The following HSPBP1 variants were observed in gnomAD, a reference collection of about 807,000 sequenced individuals.
HSPBP1 encodes HSPA (Hsp70) binding protein 1, also known as hsp70-binding protein 1.
In HSPBP1, 31 loss-of-function variants were observed where a neutral mutation model predicts 41.7. The observed-to-expected ratio is 0.74, with a 90% CI of 0.56 to 1.00. The LOEUF is 1.00. Among genes scored for constraint, HSPBP1 ranks in the 50% least tolerant of loss-of-function variants. HSPBP1 has a pLI of 0.00. For synonymous variants in HSPBP1, 199 were observed against 214.4 expected, an observed-to-expected ratio of 0.93 and a Z score of 0.63; for missense variants, 439 against 487.9, an observed-to-expected ratio of 0.90 and a Z score of 0.94.
Position 55,276,722 on chromosome 19 carries a change from G to A in HSPBP1, c.415+920C>T, listed in dbSNP as rs892881883. On this transcript the variant is annotated intron_variant, in intron 3 of 7. Transcript: ENST00000433386. Reference sequence around the variant, plus strand: ...CAGGAGTTCTCTGCCCGGATAAGACGGGGAGACACTGGGGAAAGGTAAGCT... The same window carrying A: ...CAGGAGTTCTCTGCCCGGATAAGACAGGGAGACACTGGGGAAAGGTAAGCT... Among the ~76,000 whole-genome samples, 11 of 152,122 alleles carry A rather than the reference G, an allele frequency of 7.2e-5. No individual in the cohort carries two copies. The South Asian group carries it at 1.9e-3, about 26-fold the overall frequency.
intron 3 of HSPBP1, among the ~76,000 whole-genome samples, chr19:55,277,232 G>A (rs1307958959): frequency 6.6e-6 from 1 of 152,200 alleles, no homozygotes; most frequent in Non-Finnish European, 1.5e-5. Flanking sequence ...GGCACACTCT[G>A]GCCTCAGGGC....
At position 55,277,839 on chromosome 19, in the gene HSPBP1, T is replaced by C. The variant is rs535068399; in HGVS notation, c.218A>G (p.Gln73Arg). Residue 73 changes from glutamine to arginine, a missense_variant, in exon 3 of 8, where the codon CAG becomes CGG. Gln to Arg is a conservative substitution (Grantham distance 43). Coordinates refer to ENST00000433386, the MANE Select transcript of HSPBP1 (RefSeq NM_012267.5). Reference protein sequence around the residue: ...PPEPMSEERRQWLQEAMSAAF... With the variant: ...PPEPMSEERRRWLQEAMSAAF... ...AGCCGACATGGCCTCCTGCAGCCAC[T>C]GACGCCTCTGGAGACCAAGGCGAGG... 1.3e-6 allele frequency: 2 copies of C among 1,565,700 alleles called. No homozygotes were observed. Among genetic ancestry groups the C allele is most frequent in the African/African-American group, 2.7e-5 (2 of 73,718 alleles).
intron 3 of HSPBP1, among the ~76,000 whole-genome samples, chr19:55,274,917 A>G (rs1413781865): frequency 6.6e-6 from 1 of 152,182 alleles, no homozygotes; most frequent in Non-Finnish European, 1.5e-5. Context: ...GGCTCAGGAG[A>G]AACCAGCCCT....
At chr19:55,266,740 A>G (rs2087800439) in intron 4 of HSPBP1, among the ~76,000 whole-genome samples, 1 of 152,118 alleles carries the variant, frequency 6.6e-6, no homozygotes, top group African/African-American at 2.4e-5. Context: ...TGCTTTTGAG[A>G]TATAATTCAC....
chr19:55,274,346 C>CCCCCCCCCCCCCCCCCCCCCCCCCCCGG, intron 4 of HSPBP1, 52 bp downstream of exon 4: 3 of 398,852 alleles, frequency 7.5e-6, no homozygotes, highest in Admixed American at 4.4e-5. Context: ...GCCCACCCGG[C>CCCCCCCCCCCCCCCCCCCCCCCCCCCGG]ACCCCCCCCC....
rs577603324 is a variant in HSPBP1 at position 55,273,355 on chromosome 19, G to A, written c.640+1043C>T. Among the ~76,000 whole-genome samples the A allele has an allele frequency of 1.1e-4, 17 of 152,276 alleles. No homozygotes were observed. In the South Asian group the frequency reaches 3.3e-3, roughly 30 times the overall value. ...GGCCTATGAATTACATCTCAATAAAGCTGTTAGAGAAAATAAAAGGAAAGA... is the reference window on the plus strand; with the variant it reads ...GGCCTATGAATTACATCTCAATAAAACTGTTAGAGAAAATAAAAGGAAAGA... On this transcript the variant is annotated intron_variant, in intron 4 of 7. Coordinates refer to ENST00000433386, the MANE Select transcript of HSPBP1 (RefSeq NM_012267.5).
In HSPBP1 at chr19:55,279,719, G is replaced by A. The variant is rs1223816138; in HGVS notation, c.-94-17C>T. Reference sequence around the variant, plus strand: ...CTTGAGGGTCTGCTGAGAAGGCGGCGTTTCAGGGGAGCTCGGCGACCCCCC... The same window carrying A: ...CTTGAGGGTCTGCTGAGAAGGCGGCATTTCAGGGGAGCTCGGCGACCCCCC... On this transcript the variant is annotated splice_polypyrimidine_tract_variant and intron_variant, in intron 1 of 7. Transcript: ENST00000433386. 2 of 1,536,022 alleles carry A rather than the reference G, an allele frequency of 1.3e-6. No individual in the cohort carries two copies. Among genetic ancestry groups the A allele is most frequent in the East Asian group, 2.4e-5 (1 of 40,866 alleles).
Position 55,268,490 on chromosome 19 carries a change from G to A in HSPBP1, c.641-2204C>T, listed in dbSNP as rs1030741542. Among the ~76,000 whole-genome samples, 9 of 151,988 alleles carry A rather than the reference G, an allele frequency of 5.9e-5. No individual in the cohort carries two copies. The highest frequency in any genetic ancestry group is 1.9e-4 in the African/African-American group (8 of 41,352). On this transcript the variant is annotated intron_variant, in intron 4 of 7. Coordinates refer to ENST00000433386, the MANE Select transcript of HSPBP1 (RefSeq NM_012267.5). The surrounding 1 kb of genome is among the most constrained non-coding windows in gnomAD (Gnocchi z 4.5). Reference sequence around the variant, plus strand: ...ACACACACAACGTTGTTGCTCTGGCGCACTCCACACTACCCCTGAAAACTC... The same window carrying A: ...ACACACACAACGTTGTTGCTCTGGCACACTCCACACTACCCCTGAAAACTC...
At chr19:55,277,883 T>C in intron 2 of HSPBP1, 37 bp from the exon 3 acceptor site, 1 of 1,456,132 alleles carries the variant, frequency 6.9e-7, no homozygotes, top group East Asian at 2.4e-5. Context: ...AGGAGATCCA[T>C]CAGTCATTCA....
rs1165320626 is a variant in HSPBP1 at position 55,279,789 on chromosome 19, C to G, written c.-94-87G>C. The stretch of plus-strand genomic sequence containing the variant: ...CCCCCAGCCCACTTAACCACAGCCC[C>G]TTTTCCTTCCTTCATACCCACAGGA... On this transcript the variant is annotated intron_variant, in intron 1 of 7. Coordinates refer to ENST00000433386, the MANE Select transcript of HSPBP1 (RefSeq NM_012267.5). 9.1e-6 allele frequency: 13 copies of G among 1,429,434 alleles called. No individual in the cohort carries two copies. In the South Asian group the frequency reaches 1.6e-4, roughly 18 times the overall value. 88.5% of individuals were successfully genotyped at this position (1,429,434 alleles called of 1,614,324 possible). A position where few individuals can be genotyped will look rare whatever the true frequency, so the allele number is the denominator to read the frequency against.
chr19:55,265,208 T>G, intron 7 of HSPBP1, 70 bp downstream of exon 7: 4 of 586,442 alleles, frequency 6.8e-6, no homozygotes, highest in South Asian at 1.8e-5. Flanking sequence ...ACACACCTAG[T>G]CCTCCTGGAG....
At chr19:55,277,999 C>A (rs1240466655) in intron 2 of HSPBP1, among the ~76,000 whole-genome samples, 153 bp from the exon 3 acceptor site, 3 of 152,210 alleles carry the variant, frequency 2.0e-5, no homozygotes, top group African/African-American at 7.2e-5. Context: ...GTAATCCCAG[C>A]ACTTTGGGAG....
chr19:55,274,345 G>GCGCCCCCCCCCCCCCCC, intron 4 of HSPBP1, 53 bp downstream of exon 4: 1 of 552,678 alleles, frequency 1.8e-6, no homozygotes. Context: ...GGCCCACCCG[G>GCGCCCCCCCCCCCCCCC]CACCCCCCCC....
intron 4 of HSPBP1, among the ~76,000 whole-genome samples, chr19:55,273,973 G>A (rs1319945542): frequency 6.6e-6 from 1 of 152,008 alleles, no homozygotes; most frequent in Non-Finnish European, 1.5e-5. Context: ...TCTGACCAAG[G>A]GGCTTTCTAC....
At chr19:55,265,777 CGG>C in intron 6 of HSPBP1, 107 bp downstream of exon 6, 1 of 696,826 alleles carries the variant, frequency 1.4e-6, no homozygotes, top group Non-Finnish European at 2.4e-6. Context: ...TTCCTCTCTA[CGG>C]GAAGGTCCCA....
chr19:55,277,429 A>T (rs997509006), intron 3 of HSPBP1, among the ~76,000 whole-genome samples: 3 of 152,222 alleles, frequency 2.0e-5, no homozygotes, highest in African/African-American at 7.2e-5. Flanking sequence ...GGAGAGAAAC[A>T]GCCATCTCAG....
At chr19:55,275,373 G>A (rs1370091991) in intron 3 of HSPBP1, among the ~76,000 whole-genome samples, 3 of 152,170 alleles carry the variant, frequency 2.0e-5, no homozygotes, top group Non-Finnish European at 2.9e-5. Flanking sequence ...ACCAGAAGTA[G>A]GGACTCAGAT....
chr19:55,266,064 T>C, intron 5 of HSPBP1, 67 bp downstream of exon 5: 2 of 1,565,590 alleles, frequency 1.3e-6, no homozygotes, highest in Non-Finnish European at 1.7e-6. Flanking sequence ...CCTCCCCTTC[T>C]CCCACACCTG....
rs1411382404 is a variant in HSPBP1 at position 55,272,528 on chromosome 19, G to A, written c.640+1870C>T. ...CTTAACGGGTACAGAATTTCTGCTT[G>A]GGGGAGAGGATGAAGATGTTCTGAA... is the stretch of plus-strand genomic sequence containing the variant. On this transcript the variant is annotated intron_variant, in intron 4 of 7. Transcript: ENST00000433386. This position sits in a 1 kb window ranked among gnomAD's most constrained non-coding sequence, Gnocchi z 4.2. Among the ~76,000 whole-genome samples the A allele has an allele frequency of 1.3e-5, 2 of 152,122 alleles. No individual in the cohort carries two copies. Among genetic ancestry groups the A allele is most frequent in the African/African-American group, 4.8e-5 (2 of 41,430 alleles).
Sources: allele counts gnomAD v4.1 joint callset (sites outside exome capture counted in the v4.1 genomes callset), GRCh38; gene constraint gnomAD v4.1.1; non-coding constraint Gnocchi (gnomAD v3.1); transcripts MANE v1.5; gene names NCBI Gene and HGNC (gene_info 2026-07-23, HGNC 2026-07-21).